PLCB1: variants seen among roughly 807,000 people sequenced by gnomAD.
PLCB1 encodes the protein 1-phosphatidylinositol 4,5-bisphosphate phosphodiesterase beta-1.
In PLCB1, 46 loss-of-function variants were observed where a neutral mutation model predicts 161.8. The ratio of observed to expected loss-of-function variants is 0.28; its 90% CI spans 0.22 to 0.36. The LOEUF (loss-of-function observed/expected upper bound fraction) is 0.36, where lower values mean the gene tolerates loss of function less well. Ranked by LOEUF, PLCB1 falls within the 10% of genes least tolerant of loss-of-function variation. The pLI is 1.00. For missense variants in PLCB1, 1,016 were observed against 1,472.5 expected (o/e 0.69, Z 5.07); for synonymous variants, 517 against 503.7 (o/e 1.03, Z -0.35).
intron 3 of PLCB1, among the ~76,000 whole-genome samples, chr20:8,531,463 A>C (rs1472285294): frequency 6.6e-6 from 1 of 152,104 alleles, no homozygotes; most frequent in East Asian, 1.9e-4. Flanking sequence ...TATAATATGT[A>C]TATCTTAGTG....
At chr20:8,739,490 G>A in intron 21 of PLCB1, 130 bp downstream of exon 21, 1 of 646,246 alleles carries the variant, frequency 1.5e-6, no homozygotes. Context: ...CAAGGGCGAT[G>A]AGATTTAGTT....
intron 2 of PLCB1, among the ~76,000 whole-genome samples, chr20:8,317,123 A>G (rs1984694759): frequency 6.6e-6 from 1 of 152,270 alleles, no homozygotes; most frequent in Non-Finnish European, 1.5e-5. Context: ...AGGCCATGAC[A>G]GTAATGTAGG....
At chr20:8,733,210 C>G (rs376622367) in intron 18 of PLCB1, 28 bp from the exon 19 acceptor site, 16 of 1,610,310 alleles carry the variant, frequency 9.9e-6, no homozygotes, top group Non-Finnish European at 1.3e-5. Flanking sequence ...GATAAACTCA[C>G]AATAAGGCTT....
At chr20:8,812,798 A>G (rs1235790109) in intron 31 of PLCB1, among the ~76,000 whole-genome samples, 2 of 152,210 alleles carry the variant, frequency 1.3e-5, no homozygotes, top group Non-Finnish European at 2.9e-5. Context: ...AAAACGTGTA[A>G]AACCAATCCT....
At chr20:8,355,493 A>G (rs1321436584) in intron 2 of PLCB1, among the ~76,000 whole-genome samples, 1 of 152,204 alleles carries the variant, frequency 6.6e-6, no homozygotes, top group Non-Finnish European at 1.5e-5. Context: ...GGAGAAAGAA[A>G]AAGACCTGAA....
chr20:8,402,480 A>T (rs1195651170), intron 3 of PLCB1, among the ~76,000 whole-genome samples: 1 of 152,144 alleles, frequency 6.6e-6, no homozygotes, highest in Non-Finnish European at 1.5e-5. Flanking sequence ...TTTATTAAAT[A>T]AAAGGAAACT....
At position 8,341,072 on chromosome 20, in the gene PLCB1, C is replaced by G. The variant is rs115335786; in HGVS notation, c.178-30310C>G. ...TGGGTATCACAAGCCTACATGTGGA[C>G]CAACCTCCTTTCCCTTGTTCCACCA... On this transcript the variant is annotated intron_variant, in intron 2 of 31. Transcript: ENST00000338037. Among the ~76,000 whole-genome samples the G allele has an allele frequency of 9.5e-3, 1,443 of 152,170 alleles. 15 individuals carry two copies. Among genetic ancestry groups the G allele is most frequent in the African/African-American group, 0.031 (1,285 of 41,506 alleles).
chr20:8,135,838 A>G (rs2051340359), intron 1 of PLCB1, among the ~76,000 whole-genome samples: 1 of 152,108 alleles, frequency 6.6e-6, no homozygotes, highest in South Asian at 2.1e-4. Flanking sequence ...GGTGGGTGTA[A>G]AGGACTATGG....
intron 3 of PLCB1, among the ~76,000 whole-genome samples, chr20:8,601,416 C>G (rs998548894): frequency 1.3e-5 from 2 of 152,082 alleles, no homozygotes; most frequent in Non-Finnish European, 2.9e-5. Flanking sequence ...TTGTTTCCCT[C>G]TATGTGTCTA....
At chr20:8,147,345 G>T (rs1318831171) in intron 1 of PLCB1, among the ~76,000 whole-genome samples, 2 of 152,158 alleles carry the variant, frequency 1.3e-5, no homozygotes, top group Non-Finnish European at 2.9e-5. Flanking sequence ...AGAGGTAAAG[G>T]ATTAAAATAT....
chr20:8,315,717 A>G (rs1555797621), intron 2 of PLCB1, among the ~76,000 whole-genome samples: 3 of 152,158 alleles, frequency 2.0e-5, no homozygotes, highest in South Asian at 2.1e-4. Flanking sequence ...TCTTGCTTAC[A>G]TATTTCCTGC....
chr20:8,733,323 T>A lies in PLCB1; in HGVS notation c.1974T>A (p.Pro658=). 3 of 1,614,004 alleles carry A rather than the reference T, an allele frequency of 1.9e-6. No individual in the cohort carries two copies. The highest frequency in any genetic ancestry group is 2.5e-6 in the Non-Finnish European group (3 of 1,179,900). Residue 658 remains proline (P), a synonymous_variant, in exon 19 of 32, where the codon CCT becomes CCA. Transcript: ENST00000338037. ...YRLKPEFMRR[P]DKHFDPFTEG... ...TGAAGCCAGAGTTCATGAGGAGGCC[T>A]GACAAGCATTTTGATCCATTTACTG...
intron 9 of PLCB1, among the ~76,000 whole-genome samples, chr20:8,681,084 G>A (rs370502749): frequency 2.5e-5 from 1 of 39,792 alleles, no homozygotes; most frequent in African/African-American, 1.2e-4. Context: ...ATATGTGTGT[G>A]TGTATATATA....
At chr20:8,446,931 A>G (rs965420461) in intron 3 of PLCB1, among the ~76,000 whole-genome samples, 1 of 152,196 alleles carries the variant, frequency 6.6e-6, no homozygotes, top group East Asian at 1.9e-4. Flanking sequence ...TGGAAATATA[A>G]TTAGTTTACT....
At position 8,847,951 on chromosome 20, in the gene PLCB1, C is replaced by T. The variant is rs149316531; in HGVS notation, c.3424-33671C>T. Among the ~76,000 whole-genome samples, 229 of 152,204 alleles carry T rather than the reference C, an allele frequency of 1.5e-3. 1 individual carries two copies. Among genetic ancestry groups the T allele is most frequent in the Middle Eastern group, 6.8e-3 (2 of 294 alleles). On this transcript the variant is annotated intron_variant, in intron 31 of 31. Transcript: ENST00000338037. ...GAGGTTTGAAAGTCCAAAATCAAGGCGCCAGCAGGTTCGGTTGTCTGGTAA... is the reference window on the plus strand; with the variant it reads ...GAGGTTTGAAAGTCCAAAATCAAGGTGCCAGCAGGTTCGGTTGTCTGGTAA...
chr20:8,294,217 C>T (rs1222287300), intron 2 of PLCB1, among the ~76,000 whole-genome samples: 3 of 152,090 alleles, frequency 2.0e-5, no homozygotes, highest in African/African-American at 4.8e-5. Context: ...ATGATATTCT[C>T]CTTCCTGACT....
At chr20:8,393,002 T>A (rs1987657405) in intron 3 of PLCB1, among the ~76,000 whole-genome samples, 1 of 152,174 alleles carries the variant, frequency 6.6e-6, no homozygotes, top group African/African-American at 2.4e-5. Flanking sequence ...CTGAAATTAA[T>A]GTCCATAGAG....
chr20:8,218,189 T>A (rs1323525755), intron 2 of PLCB1, among the ~76,000 whole-genome samples: 1 of 152,176 alleles, frequency 6.6e-6, no homozygotes, highest in Non-Finnish European at 1.5e-5. Context: ...ATGTGTTCCC[T>A]GTTTTCATTG....
intron 2 of PLCB1, among the ~76,000 whole-genome samples, chr20:8,328,095 G>A (rs552998351): frequency 6.6e-6 from 1 of 152,152 alleles, no homozygotes; most frequent in South Asian, 2.1e-4. Flanking sequence ...CATTATACTG[G>A]TTGAGAATCT....
Sources: allele counts gnomAD v4.1 joint callset (sites outside exome capture counted in the v4.1 genomes callset), GRCh38; gene constraint gnomAD v4.1.1; transcripts MANE v1.5; gene names NCBI Gene and HGNC (gene_info 2026-07-23, HGNC 2026-07-21).